NKAIN2: variants seen among roughly 807,000 people sequenced by gnomAD.
The protein encoded by NKAIN2 is sodium/potassium-transporting ATPase subunit beta-1-interacting protein 2.
Under a neutral mutation model 32.6 loss-of-function variants are expected in NKAIN2, and 14 were observed. The ratio of observed to expected loss-of-function variants is 0.43; its 90% CI spans 0.28 to 0.67. The LOEUF (loss-of-function observed/expected upper bound fraction) is 0.67. Ranked by LOEUF, NKAIN2 falls within the 30% of genes least tolerant of loss-of-function variation. NKAIN2 has a pLI of 0.17. For synonymous variants in NKAIN2, 80 were observed against 87.2 expected (o/e 0.92, Z 0.46); for missense variants, 198 against 258.3 (o/e 0.77, Z 1.60).
chr6:123,832,499 A>C (rs566675395), intron 1 of NKAIN2, among the ~76,000 whole-genome samples: 1 of 152,164 alleles, frequency 6.6e-6, no homozygotes, highest in South Asian at 2.1e-4. Flanking sequence ...AAGAAGCGCA[A>C]TTTTTGTATT....
intron 3 of NKAIN2, among the ~76,000 whole-genome samples, chr6:124,437,425 GT>G (rs1775495872): frequency 6.6e-6 from 1 of 152,124 alleles, no homozygotes; most frequent in Non-Finnish European, 1.5e-5. Flanking sequence ...ATCACAAGCC[GT>G]TATGTTCTGT....
At chr6:124,772,538 G>A (rs1778805114) in intron 4 of NKAIN2, among the ~76,000 whole-genome samples, 1 of 152,164 alleles carries the variant, frequency 6.6e-6, no homozygotes, top group African/African-American at 2.4e-5. Context: ...CCATGTGCAG[G>A]CATGATTTTA....
intron 3 of NKAIN2, among the ~76,000 whole-genome samples, chr6:124,380,319 T>G (rs992222760): frequency 5.9e-5 from 9 of 152,176 alleles, no homozygotes; most frequent in African/African-American, 2.2e-4. Context: ...TACAGCACAA[T>G]GTTAGAGCAT....
intron 1 of NKAIN2, among the ~76,000 whole-genome samples, chr6:123,960,057 C>G (rs1777776877): frequency 6.6e-6 from 1 of 151,538 alleles, no homozygotes; most frequent in African/African-American, 2.4e-5. Context: ...GAAGTTCCAG[C>G]TGATTTGTCA....
intron 3 of NKAIN2, among the ~76,000 whole-genome samples, chr6:124,457,575 C>T (rs916615880): frequency 1.3e-5 from 2 of 151,930 alleles, no homozygotes; most frequent in Non-Finnish European, 2.9e-5. Context: ...TAGATCATCT[C>T]TAAGTCCCTT....
intron 3 of NKAIN2, among the ~76,000 whole-genome samples, chr6:124,477,784 T>C: frequency 9.8e-6 from 1 of 102,458 alleles, no homozygotes; most frequent in Admixed American, 1.1e-4. Flanking sequence ...TCTCCTTCCC[T>C]CCTCCCTCTT....
intron 2 of NKAIN2, among the ~76,000 whole-genome samples, chr6:124,343,653 C>T (rs963396961): frequency 2.7e-4 from 41 of 149,100 alleles, no homozygotes; most frequent in African/African-American, 8.0e-4. Flanking sequence ...CTGTTGATAT[C>T]CTTCGCCCAC....
intron 3 of NKAIN2, among the ~76,000 whole-genome samples, chr6:124,563,153 C>G (rs1780767632): frequency 6.6e-6 from 1 of 151,996 alleles, no homozygotes; most frequent in Non-Finnish European, 1.5e-5. Context: ...ATCTGCCCCC[C>G]TTGGCCTCCC....
chr6:123,931,417 A>G (rs969487399), intron 1 of NKAIN2, among the ~76,000 whole-genome samples: 1 of 152,110 alleles, frequency 6.6e-6, no homozygotes, highest in East Asian at 1.9e-4. Flanking sequence ...AAAAATAAAG[A>G]TTTGGCTTAT....
intron 3 of NKAIN2, among the ~76,000 whole-genome samples, chr6:124,359,969 G>A (rs1330309818): frequency 6.6e-6 from 1 of 152,124 alleles, no homozygotes; most frequent in Admixed American, 6.6e-5. Flanking sequence ...TTTATTGAGC[G>A]TTTTTAGCAT....
chr6:124,068,774 C>T (rs1352027864), intron 1 of NKAIN2, among the ~76,000 whole-genome samples: 1 of 142,924 alleles, frequency 7.0e-6, no homozygotes, highest in African/African-American at 2.6e-5. Context: ...AGGGAACCAG[C>T]AACCACCGTA....
chr6:124,029,507 A>G (rs1279136821), intron 1 of NKAIN2, among the ~76,000 whole-genome samples: 1 of 152,166 alleles, frequency 6.6e-6, no homozygotes, highest in Non-Finnish European at 1.5e-5. Flanking sequence ...ATAAAGAAAG[A>G]TTTAGATAAA....
chr6:124,486,717 C>T (rs545324578), intron 3 of NKAIN2, among the ~76,000 whole-genome samples: 43 of 152,184 alleles, frequency 2.8e-4, no homozygotes, highest in African/African-American at 1.0e-3. Context: ...TTATTCCTGG[C>T]TTCATCACCA....
At chr6:124,461,043 G>T (rs747620993) in intron 3 of NKAIN2, among the ~76,000 whole-genome samples, 1 of 151,678 alleles carries the variant, frequency 6.6e-6, no homozygotes, top group Non-Finnish European at 1.5e-5. Flanking sequence ...TAGCAAAAGA[G>T]AGGTCACTTA....
In NKAIN2 at chr6:124,796,288, C is replaced by T. The variant is rs868114392; in HGVS notation, c.535+4889C>T. The stretch of plus-strand genomic sequence containing the variant: ...GAGGCCTCTGTCTTTGCCTTGTAGA[C>T]GGCACTTTCTGTTGGATTAGGGCCC... On this transcript the variant is annotated intron_variant, in intron 5 of 6. Coordinates refer to ENST00000368417, the MANE Select transcript of NKAIN2 (RefSeq NM_001040214.3). Among the ~76,000 whole-genome samples the T allele has an allele frequency of 2.6e-5, 4 of 152,148 alleles. No homozygotes were observed. The South Asian group carries it at 6.2e-4, about 24-fold the overall frequency.
At chr6:124,036,294 G>T (rs1781602171) in intron 1 of NKAIN2, among the ~76,000 whole-genome samples, 1 of 151,940 alleles carries the variant, frequency 6.6e-6, no homozygotes, top group African/African-American at 2.4e-5. Context: ...TATGTATTTT[G>T]GTTTGAAACA....
intron 1 of NKAIN2, among the ~76,000 whole-genome samples, chr6:123,860,151 T>C (rs1023589626): frequency 2.6e-5 from 4 of 152,114 alleles, no homozygotes; most frequent in African/African-American, 9.7e-5. Context: ...GTACAAGATG[T>C]TGAGGAGATG....
chr6:124,763,675 G>A (rs147267912), intron 4 of NKAIN2, among the ~76,000 whole-genome samples: 35 of 152,244 alleles, frequency 2.3e-4, no homozygotes, highest in Admixed American at 5.2e-4. Context: ...ACTGCTGAAA[G>A]AGCAGATTTT....
At position 124,097,402 on chromosome 6, in the gene NKAIN2, A is replaced by C. The variant is rs1344813459; in HGVS notation, c.55-185603A>C. Among the ~76,000 whole-genome samples, 6 of 3,490 alleles carry C rather than the reference A, an allele frequency of 1.7e-3. No homozygotes were observed. The South Asian group carries it at 0.083, about 48-fold the overall frequency. The allele number at this position is 3,490 out of a possible 152,430, so 2.3% of individuals were successfully genotyped here. On this transcript the variant is annotated intron_variant, in intron 1 of 6. Coordinates refer to ENST00000368417, the MANE Select transcript of NKAIN2 (RefSeq NM_001040214.3). Reference sequence around the variant, plus strand: ...TGGCAACAGAGCAAGACTTCGTCTTAAAAAAAAAAAAAAAAAAAGTAATTA... The same window carrying C: ...TGGCAACAGAGCAAGACTTCGTCTTCAAAAAAAAAAAAAAAAAAGTAATTA...
Sources: gnomAD v4.1 joint callset for allele counts (sites outside exome capture counted in the v4.1 genomes callset) on GRCh38, gnomAD v4.1.1 for gene constraint, MANE v1.5 for transcripts, NCBI Gene and HGNC (gene_info 2026-07-23, HGNC 2026-07-21) for gene names.